The following CELF2 variants were observed in gnomAD, a reference collection of about 807,000 sequenced individuals.
CELF2 encodes CUGBP Elav-like family member 2.
CELF2 carries 8 observed loss-of-function variants against 62.6 expected under a neutral mutation model. The ratio of observed to expected loss-of-function variants is 0.13; its 90% CI spans 0.07 to 0.23. The LOEUF (loss-of-function observed/expected upper bound fraction) is 0.23. CELF2 is among the 10% of genes least tolerant of loss of function. The pLI, the probability that CELF2 is intolerant of heterozygous loss-of-function variation, is 1.00. For missense variants in CELF2, 333 were observed against 671.0 expected (o/e 0.50, Z 5.56); for synonymous variants, 258 against 250.0 (o/e 1.03, Z -0.30).
the CELF2 span, among the ~76,000 whole-genome samples, chr10:10,709,685 G>A: frequency 6.6e-6 from 1 of 152,172 alleles, no homozygotes; most frequent in Non-Finnish European, 1.5e-5. Flanking sequence ...TCTGATCACT[G>A]TTTAACAGGA....
At chr10:10,919,070 A>G (rs1051171504) in intron 1 of CELF2, among the ~76,000 whole-genome samples, 9 of 152,128 alleles carry the variant, frequency 5.9e-5, no homozygotes, top group African/African-American at 2.2e-4. Flanking sequence ...CAGGAGGTCG[A>G]GACTAGCCTG....
chr10:11,216,175 G>C lies in CELF2; in HGVS notation c.272-1250G>C, dbSNP rs140736241. Among the ~76,000 whole-genome samples, 169 of 152,284 alleles carry C rather than the reference G, an allele frequency of 1.1e-3. 1 individual carries two copies. The highest frequency in any genetic ancestry group is 3.3e-3 in the African/African-American group (139 of 41,570). On this transcript the variant is annotated intron_variant, in intron 2 of 12. Coordinates refer to ENST00000633077, the MANE Select transcript of CELF2 (RefSeq NM_001326342.2). The stretch of plus-strand genomic sequence containing the variant: ...AGTCTACCTTGTCCAAAAGGCAAAG[G>C]TTTTGTATATATTGACTGTCAGTAG...
chr10:10,650,451 A>G, the CELF2 span, among the ~76,000 whole-genome samples: 1 of 152,228 alleles, frequency 6.6e-6, no homozygotes, highest in Non-Finnish European at 1.5e-5. Flanking sequence ...CATACTCTGT[A>G]ACCCAGAAAT....
the CELF2 span, among the ~76,000 whole-genome samples, chr10:10,770,102 A>T: frequency 2.0e-5 from 3 of 152,078 alleles, no homozygotes; most frequent in African/African-American, 2.4e-5. Context: ...TTATTAGAAA[A>T]CTTGAAGGTT....
At chr10:11,021,074 G>A (rs576451590) in intron 1 of CELF2, among the ~76,000 whole-genome samples, 10 of 152,120 alleles carry the variant, frequency 6.6e-5, no homozygotes, top group Admixed American at 1.3e-4. Context: ...TTAAGATGGT[G>A]GAGAGTGTTT....
the CELF2 span, among the ~76,000 whole-genome samples, chr10:10,510,753 G>T: frequency 6.6e-6 from 1 of 152,224 alleles, no homozygotes; most frequent in Non-Finnish European, 1.5e-5. Flanking sequence ...GGGAAGAAGA[G>T]TGCTGGGCAG....
rs138437202 is a variant in CELF2, at chr10:10,911,484, G to T, written c.54-8480G>T. On this transcript the variant is annotated intron_variant, in intron 1 of 13. Transcript: ENST00000636488. ...TGATTAGATTCAATGAACCTGAACT[G>T]CAGCGATGCCTCTGACGGCTCCGAC... Among the ~76,000 whole-genome samples, 177 of 152,346 alleles carry T rather than the reference G, an allele frequency of 1.2e-3. 1 individual carries two copies. The highest frequency in any genetic ancestry group is 4.1e-3 in the African/African-American group (170 of 41,586).
chr10:10,694,177 C>T, the CELF2 span, among the ~76,000 whole-genome samples: 3 of 151,856 alleles, frequency 2.0e-5, no homozygotes, highest in East Asian at 1.9e-4. Context: ...CTACACACTG[C>T]TTTCAATGCG....
the CELF2 span, among the ~76,000 whole-genome samples, chr10:10,690,615 C>A: frequency 6.6e-6 from 1 of 152,194 alleles, no homozygotes; most frequent in African/African-American, 2.4e-5. Flanking sequence ...CACAGTGGTG[C>A]ATGCCTATAA....
chr10:10,818,762 G>C (rs1446793326), intron 1 of CELF2, among the ~76,000 whole-genome samples: 1 of 152,032 alleles, frequency 6.6e-6, no homozygotes, highest in Non-Finnish European at 1.5e-5. Flanking sequence ...TTTTTTAGTA[G>C]AGATGGGGTT....
In CELF2 at chr10:11,318,710, A is replaced by G. The variant is rs2279809; in HGVS notation, c.1097-2479A>G. ...TAAGAGAGAAACATTTTTGGCAAAA[A>G]GGAGAAAGAGTTCAAAGTAGGAAGA... On this transcript the variant is annotated intron_variant, in intron 10 of 12. Transcript: ENST00000633077. The surrounding 1 kb of genome is among the most constrained non-coding windows in gnomAD (Gnocchi z 5.4). 0.48 allele frequency: 219,093 copies of G among 454,796 alleles called. 54,114 individuals carry two copies. Among genetic ancestry groups the G allele is most frequent in the Middle Eastern group, 0.58 (1,722 of 2,992 alleles). The allele number at this position is 454,796 out of a possible 1,614,324, so 28.2% of individuals were successfully genotyped here.
chr10:10,710,658 C>T, the CELF2 span, among the ~76,000 whole-genome samples: 3 of 152,012 alleles, frequency 2.0e-5, no homozygotes, highest in East Asian at 5.8e-4. Context: ...TTTAGAATGA[C>T]TTTAAAATGT....
rs920340881 is a variant in CELF2, at chr10:11,058,471, T to G, written c.74+40308T>G. 2.2e-3 allele frequency among the ~76,000 whole-genome samples: 327 copies of G among 145,506 alleles called. 5 individuals carry two copies. The highest frequency in any genetic ancestry group is 7.2e-3 in the African/African-American group (285 of 39,676). On this transcript the variant is annotated intron_variant, in intron 1 of 12. Coordinates refer to ENST00000633077, the MANE Select transcript of CELF2 (RefSeq NM_001326342.2). ...TGGTTTTTTTTGTTGGTTTTTTTTTTTTTTTTTTTTTTTGTGATGGAGTCT... is the reference window on the plus strand; with the variant it reads ...TGGTTTTTTTTGTTGGTTTTTTTTTGTTTTTTTTTTTTTGTGATGGAGTCT...
chr10:10,879,715 G>A (rs1411148431), intron 1 of CELF2, among the ~76,000 whole-genome samples: 1 of 152,156 alleles, frequency 6.6e-6, no homozygotes, highest in African/African-American at 2.4e-5. Flanking sequence ...CCTTCTACAT[G>A]AAATAAATGC....
chr10:10,519,437 GTAC>G, the CELF2 span, among the ~76,000 whole-genome samples: 1 of 152,108 alleles, frequency 6.6e-6, no homozygotes. Context: ...AGATGTGCCT[GTAC>G]TACTAATATT....
chr10:10,863,865 A>G (rs2060195499), intron 1 of CELF2, among the ~76,000 whole-genome samples: 2 of 152,218 alleles, frequency 1.3e-5, no homozygotes, highest in South Asian at 2.1e-4. Flanking sequence ...TTCCAGCAGG[A>G]CAAACCAAAT....
chr10:11,225,360 C>T (rs764352396), intron 3 of CELF2, among the ~76,000 whole-genome samples: 2 of 152,194 alleles, frequency 1.3e-5, no homozygotes, highest in African/African-American at 2.4e-5. Context: ...GCCCTCTGTA[C>T]TTGATCTGCA....
In CELF2 at chr10:11,165,786, AGG is replaced by A; in HGVS notation, c.271+106_271+107del. The A allele has an allele frequency of 1.2e-5, 13 of 1,107,932 alleles. No homozygotes were observed. Among genetic ancestry groups the A allele is most frequent in the Non-Finnish European group, 1.6e-5 (13 of 795,480 alleles). 68.6% of individuals were successfully genotyped at this position (1,107,932 alleles called of 1,614,324 possible). A position where few individuals can be genotyped will look rare whatever the true frequency, so the allele number is the denominator to read the frequency against. ...GCAGGAGGAAGGGCGGGTAGGCAGG[AGG>A]GCTGGAAGCAGCCGGTGCTGGCGGC... is the stretch of plus-strand genomic sequence containing the variant. On this transcript the variant is annotated intron_variant, in intron 2 of 12. Coordinates refer to ENST00000633077, the MANE Select transcript of CELF2 (RefSeq NM_001326342.2). This position sits in a 1 kb window ranked among gnomAD's most constrained non-coding sequence, Gnocchi z 7.4.
At chr10:10,668,631 T>A in the CELF2 span, among the ~76,000 whole-genome samples, 1 of 152,190 alleles carries the variant, frequency 6.6e-6, no homozygotes, top group Non-Finnish European at 1.5e-5. Flanking sequence ...TTATTCTTTG[T>A]TATTATTTGC....
Sources: gnomAD v4.1 joint callset for allele counts (sites outside exome capture counted in the v4.1 genomes callset) on GRCh38, gnomAD v4.1.1 for gene constraint, Gnocchi (gnomAD v3.1) non-coding constraint, MANE v1.5 for transcripts, NCBI Gene and HGNC (gene_info 2026-07-23, HGNC 2026-07-21) for gene names.